The following CSMD1 variants were observed in gnomAD, a reference collection of about 807,000 sequenced individuals.
The protein encoded by CSMD1 is CUB and Sushi multiple domains 1, also known as CUB and sushi domain-containing protein 1.
CSMD1 carries 213 observed loss-of-function variants against 417.5 expected under a neutral mutation model. That is an observed-to-expected ratio of 0.51 (90% CI 0.46 to 0.57). The LOEUF (loss-of-function observed/expected upper bound fraction) is 0.57, where lower values mean the gene tolerates loss of function less well. Among genes scored for constraint, CSMD1 ranks in the 20% least tolerant of loss-of-function variants. CSMD1 has a pLI of 0.00. For synonymous variants in CSMD1, 2,862 were observed against 1,736.8 expected, an observed-to-expected ratio of 1.65 and a Z score of -16.11; for missense variants, 6,923 against 4,529.7, an observed-to-expected ratio of 1.53 and a Z score of -15.17.
intron 10 of CSMD1, among the ~76,000 whole-genome samples, chr8:3,568,748 T>C (rs1282592453): frequency 1.1e-4 from 16 of 152,238 alleles, no homozygotes; most frequent in East Asian, 7.7e-4. Flanking sequence ...TATATATATG[T>C]ATGCATGCAT....
At chr8:4,841,828 T>C (rs141999071) in intron 1 of CSMD1, among the ~76,000 whole-genome samples, 238 of 147,426 alleles carry the variant, frequency 1.6e-3, no homozygotes, top group African/African-American at 5.7e-3. Context: ...GGAGAATCGC[T>C]TGAACCTGGG....
At chr8:4,804,953 G>C (rs1023094911) in intron 1 of CSMD1, among the ~76,000 whole-genome samples, 1 of 152,142 alleles carries the variant, frequency 6.6e-6, no homozygotes, top group Non-Finnish European at 1.5e-5. Flanking sequence ...AAAAGGGATA[G>C]GAACTTGAAA....
intron 37 of CSMD1, among the ~76,000 whole-genome samples, chr8:3,176,723 G>A (rs1820957745): frequency 6.6e-6 from 1 of 152,016 alleles, no homozygotes; most frequent in Non-Finnish European, 1.5e-5. Context: ...TCAGGGAGCT[G>A]CGTGGCAGGT....
chr8:4,820,662 T>C (rs1008840272), intron 1 of CSMD1, among the ~76,000 whole-genome samples: 12 of 152,176 alleles, frequency 7.9e-5, no homozygotes, highest in Non-Finnish European at 2.9e-5. Flanking sequence ...AGCCTGTGCT[T>C]TGCCATCATT....
chr8:3,201,466 A>G (rs1219035726), intron 32 of CSMD1, 146 bp downstream of exon 32: 4 of 460,026 alleles, frequency 8.7e-6, no homozygotes, highest in Non-Finnish European at 1.5e-5. Context: ...CTTATATCTA[A>G]AATAAGATTT....
intron 6 of CSMD1, among the ~76,000 whole-genome samples, chr8:3,723,142 C>A (rs1244390425): frequency 6.6e-6 from 1 of 152,096 alleles, no homozygotes; most frequent in Non-Finnish European, 1.5e-5. Flanking sequence ...GGTTCTAGGA[C>A]TGAGGTTCCC....
At chr8:4,388,561 G>C (rs950697419) in intron 3 of CSMD1, among the ~76,000 whole-genome samples, 3 of 150,598 alleles carry the variant, frequency 2.0e-5, no homozygotes, top group South Asian at 4.2e-4. Flanking sequence ...GGGGAAGGGT[G>C]GGGGGGTGAT....
chr8:3,623,663 G>A (rs1294235922), intron 7 of CSMD1, among the ~76,000 whole-genome samples: 1 of 152,104 alleles, frequency 6.6e-6, no homozygotes, highest in Non-Finnish European at 1.5e-5. Flanking sequence ...AAAGAAAACT[G>A]AGGCCAGAGT....
intron 5 of CSMD1, among the ~76,000 whole-genome samples, chr8:3,792,635 G>T (rs146028067): frequency 7.9e-5 from 12 of 152,128 alleles, no homozygotes; most frequent in Non-Finnish European, 1.6e-4. Context: ...CAGGCAGTAA[G>T]TTAATCATTT....
rs145440655 is a variant in CSMD1 at position 4,021,158 on chromosome 8, C to T, written c.610+10747G>A. On this transcript the variant is annotated intron_variant, in intron 4 of 69. Coordinates refer to ENST00000635120, the MANE Select transcript of CSMD1 (RefSeq NM_033225.6). ...CTGAAGTGTATGCAGCTCATGAGCA[C>T]GTGAAATGTGGCTAGTCAGCATTGC... is the stretch of plus-strand genomic sequence containing the variant. 2.8e-3 allele frequency among the ~76,000 whole-genome samples: 427 copies of T among 152,202 alleles called. 1 individual carries two copies. Among genetic ancestry groups the T allele is most frequent in the African/African-American group, 9.9e-3 (410 of 41,530 alleles).
intron 5 of CSMD1, among the ~76,000 whole-genome samples, chr8:3,819,710 C>T (rs921339810): frequency 6.6e-6 from 1 of 152,136 alleles, no homozygotes; most frequent in African/African-American, 2.4e-5. Flanking sequence ...TCTCAGCCTC[C>T]TGGGGAACTG....
At chr8:4,253,281 A>T (rs920945456) in intron 3 of CSMD1, among the ~76,000 whole-genome samples, 1 of 152,220 alleles carries the variant, frequency 6.6e-6, no homozygotes, top group African/African-American at 2.4e-5. Flanking sequence ...CTGAGGCTAA[A>T]TTAGACATTC....
intron 3 of CSMD1, among the ~76,000 whole-genome samples, chr8:4,135,395 G>C (rs190511436): frequency 8.2e-6 from 1 of 121,864 alleles, no homozygotes; most frequent in Non-Finnish European, 1.7e-5. Context: ...GGGGAAGGAA[G>C]GGGAAAGAGG....
chr8:3,378,901 C>G (rs1199491643), intron 18 of CSMD1, among the ~76,000 whole-genome samples: 1 of 152,096 alleles, frequency 6.6e-6, no homozygotes, highest in Non-Finnish European at 1.5e-5. Flanking sequence ...GGCCAGGGTA[C>G]TCAGGCAAGA....
chr8:3,543,221 G>C (rs1798517865), intron 10 of CSMD1, among the ~76,000 whole-genome samples: 1 of 152,220 alleles, frequency 6.6e-6, no homozygotes, highest in Non-Finnish European at 1.5e-5. Context: ...CAGCAAGGGA[G>C]GTGGGAGAAG....
chr8:4,088,981 C>T (rs17068884), intron 3 of CSMD1, among the ~76,000 whole-genome samples: 2,336 of 152,022 alleles, frequency 0.015, 146 homozygotes, highest in Admixed American at 0.11. Flanking sequence ...CTGTTCTGTG[C>T]TCCCTTGGTG....
At chr8:3,572,928 G>C (rs976519490) in intron 10 of CSMD1, among the ~76,000 whole-genome samples, 2 of 152,024 alleles carry the variant, frequency 1.3e-5, no homozygotes, top group African/African-American at 4.8e-5. Context: ...AGACCAAACA[G>C]AATATTCTAA....
At chr8:4,272,714 T>C (rs971725047) in intron 3 of CSMD1, among the ~76,000 whole-genome samples, 2 of 152,178 alleles carry the variant, frequency 1.3e-5, no homozygotes, top group Admixed American at 1.3e-4. Context: ...ATTTTCATTC[T>C]GTAATTCTTG....
chr8:4,757,399 A>T (rs992597818), intron 1 of CSMD1, among the ~76,000 whole-genome samples: 1 of 152,224 alleles, frequency 6.6e-6, no homozygotes, highest in South Asian at 2.1e-4. Flanking sequence ...AAACTCGTTC[A>T]TCTATACAAT....
Sources: gnomAD v4.1 joint callset for allele counts (sites outside exome capture counted in the v4.1 genomes callset) on GRCh38, gnomAD v4.1.1 for gene constraint, MANE v1.5 for transcripts, NCBI Gene and HGNC (gene_info 2026-07-23, HGNC 2026-07-21) for gene names.